Variants in MTUS2 observed in about 807,000 individuals in gnomAD.
MTUS2 encodes the protein microtubule associated scaffold protein 2.
MTUS2 carries 40 observed loss-of-function variants against 114.1 expected under a neutral mutation model. The ratio of observed to expected loss-of-function variants is 0.35; its 90% confidence interval spans 0.27 to 0.46. MTUS2 has a LOEUF of 0.46. Ranked by LOEUF, MTUS2 falls within the 20% of genes least tolerant of loss-of-function variation. The pLI is 1.00. For missense variants in MTUS2, 1,679 were observed against 1,705.4 expected, an observed-to-expected ratio of 0.98 and a Z score of 0.27; for synonymous variants, 688 against 672.0, an observed-to-expected ratio of 1.02 and a Z score of -0.37.
intron 5 of MTUS2, among the ~76,000 whole-genome samples, chr13:29,142,166 A>C (rs1396307060): frequency 6.6e-6 from 1 of 152,026 alleles, no homozygotes. Flanking sequence ...TATTTAGGTA[A>C]TTATATGTGT....
chr13:28,951,239 C>G (rs976131682), intron 2 of MTUS2, among the ~76,000 whole-genome samples: 3 of 152,188 alleles, frequency 2.0e-5, no homozygotes, highest in Non-Finnish European at 2.9e-5. Flanking sequence ...GACTTACACA[C>G]TGAAAACTAT....
chr13:29,205,955 TC>T (rs1427654500), intron 5 of MTUS2, among the ~76,000 whole-genome samples: 5 of 152,330 alleles, frequency 3.3e-5, no homozygotes, highest in Non-Finnish European at 5.9e-5. Context: ...AAATGGTAGT[TC>T]TACTTTTAGT....
chr13:29,329,062 A>G (rs763916776), intron 7 of MTUS2, among the ~76,000 whole-genome samples: 5 of 152,126 alleles, frequency 3.3e-5, no homozygotes, highest in Non-Finnish European at 7.3e-5. Context: ...CTATTATTTT[A>G]TGTTGCATGC....
At chr13:28,962,073 T>A (rs897213997) in intron 2 of MTUS2, among the ~76,000 whole-genome samples, 2 of 151,366 alleles carry the variant, frequency 1.3e-5, no homozygotes, top group Non-Finnish European at 2.9e-5. Context: ...AAAGAGATTT[T>A]AAAATATTCT....
At chr13:29,317,605 A>ATTT (rs1317974651) in intron 6 of MTUS2, among the ~76,000 whole-genome samples, 1 of 35,610 alleles carries the variant, frequency 2.8e-5, no homozygotes, top group African/African-American at 7.1e-5. Flanking sequence ...CGCCCGGCTA[A>ATTT]TTTTTTGTAT....
intron 5 of MTUS2, among the ~76,000 whole-genome samples, chr13:29,138,879 T>C (rs954472657): frequency 2.0e-5 from 3 of 152,334 alleles, no homozygotes; most frequent in Non-Finnish European, 4.4e-5. Flanking sequence ...TTATCAGTTA[T>C]TTAATAAGGT....
At chr13:29,339,108 G>A (rs182171925) in intron 7 of MTUS2, among the ~76,000 whole-genome samples, 1 of 152,152 alleles carries the variant, frequency 6.6e-6, no homozygotes, top group South Asian at 2.1e-4. Context: ...AGAGGTACAT[G>A]GTCCTCCCGG....
chr13:28,910,688 A>G (rs1880362086), intron 2 of MTUS2, among the ~76,000 whole-genome samples: 1 of 151,854 alleles, frequency 6.6e-6, no homozygotes, highest in South Asian at 2.1e-4. Context: ...AGCTCCATTC[A>G]TGTCCCTGCA....
At chr13:28,889,741 T>C (rs1593273753) in intron 2 of MTUS2, among the ~76,000 whole-genome samples, 1 of 152,156 alleles carries the variant, frequency 6.6e-6, no homozygotes, top group East Asian at 1.9e-4. Flanking sequence ...AGTGATTCCA[T>C]AATAATCAAT....
At chr13:29,095,731 C>T (rs201370790) in intron 4 of MTUS2, among the ~76,000 whole-genome samples, 4 of 123,406 alleles carry the variant, frequency 3.2e-5, no homozygotes, top group African/African-American at 8.9e-5. Context: ...CTTTTTTTTT[C>T]CTGCCACTGC....
At chr13:29,423,752 G>A (rs1201249853) in intron 8 of MTUS2, among the ~76,000 whole-genome samples, 1 of 152,064 alleles carries the variant, frequency 6.6e-6, no homozygotes, top group Non-Finnish European at 1.5e-5. Context: ...TGTCCTTCCT[G>A]TACAAACTAT....
At chr13:28,902,168 A>C (rs1879685030) in intron 2 of MTUS2, among the ~76,000 whole-genome samples, 1 of 152,176 alleles carries the variant, frequency 6.6e-6, no homozygotes, top group African/African-American at 2.4e-5. Flanking sequence ...TGATATTTAC[A>C]TGTTGATCAT....
At chr13:29,233,580 A>G (rs902179918) in intron 5 of MTUS2, among the ~76,000 whole-genome samples, 1 of 152,234 alleles carries the variant, frequency 6.6e-6, no homozygotes, top group Non-Finnish European at 1.5e-5. Context: ...ATAACAAGCT[A>G]AAATTCAGAA....
chr13:29,285,656 A>G (rs1898450514), intron 6 of MTUS2, among the ~76,000 whole-genome samples: 2 of 152,218 alleles, frequency 1.3e-5, no homozygotes, highest in South Asian at 4.1e-4. Context: ...GGGAAGCTCT[A>G]TGGGACACAC....
At chr13:29,230,405 T>A (rs1896279408) in intron 5 of MTUS2, among the ~76,000 whole-genome samples, 1 of 152,236 alleles carries the variant, frequency 6.6e-6, no homozygotes, top group Non-Finnish European at 1.5e-5. Context: ...TCTACTTCGG[T>A]ATTCTGTGCT....
chr13:29,318,391 C>CTTTTTTTTTTTTCTTTTT (rs71090240), intron 6 of MTUS2, among the ~76,000 whole-genome samples: 41 of 135,076 alleles, frequency 3.0e-4, no homozygotes, highest in Admixed American at 6.2e-4. Flanking sequence ...ATTTCTTTTT[C>CTTTTTTTTTTTTCTTTTT]TTTTTTTTTT....
intron 1 of MTUS2, among the ~76,000 whole-genome samples, chr13:28,824,832 A>G (rs1163391344): frequency 6.6e-6 from 1 of 152,218 alleles, no homozygotes; most frequent in Non-Finnish European, 1.5e-5. Flanking sequence ...TAAGTACTTA[A>G]TATATCAGGT....
At chr13:29,247,396 AAG>A (rs1896964991) in intron 5 of MTUS2, among the ~76,000 whole-genome samples, 1 of 152,336 alleles carries the variant, frequency 6.6e-6, no homozygotes, top group African/African-American at 2.4e-5. Context: ...CAACAAAAGA[AAG>A]ATAAATAGAT....
chr13:29,219,489 G>C (rs1357787196), intron 5 of MTUS2, among the ~76,000 whole-genome samples: 1 of 152,096 alleles, frequency 6.6e-6, no homozygotes, highest in Non-Finnish European at 1.5e-5. Context: ...TATATACCCA[G>C]TAATGGGATG....
Sources: gnomAD v4.1 joint callset for allele counts (sites outside exome capture counted in the v4.1 genomes callset) on GRCh38, gnomAD v4.1.1 for gene constraint, MANE v1.5 for transcripts, NCBI Gene and HGNC (gene_info 2026-07-23, HGNC 2026-07-21) for gene names.